NRXN3: variants seen among roughly 807,000 people sequenced by gnomAD.
NRXN3 encodes the protein neurexin 3.
NRXN3 carries 32 observed loss-of-function variants against 137.6 expected under a neutral mutation model. That is an observed-to-expected ratio of 0.23 (90% CI 0.18 to 0.31). The LOEUF (loss-of-function observed/expected upper bound fraction) is 0.31. Among genes scored for constraint, NRXN3 ranks in the 10% least tolerant of loss-of-function variants. The pLI, the probability that NRXN3 is intolerant of heterozygous loss-of-function variation, is 1.00. For synonymous variants in NRXN3, 798 were observed against 784.5 expected, an observed-to-expected ratio of 1.02 and a Z score of -0.29; for missense variants, 1,574 against 2,062.5, an observed-to-expected ratio of 0.76 and a Z score of 4.59.
chr14:79,443,628 T>A (rs931967539), intron 15 of NRXN3, among the ~76,000 whole-genome samples: 1 of 152,182 alleles, frequency 6.6e-6, no homozygotes, highest in Non-Finnish European at 1.5e-5. Context: ...AGGCTCACTT[T>A]CCAAAAGAAA....
chr14:79,643,884 GCCTT>G (rs1310295623), intron 16 of NRXN3, among the ~76,000 whole-genome samples: 20 of 135,084 alleles, frequency 1.5e-4, no homozygotes, highest in African/African-American at 4.9e-4. Flanking sequence ...CTCCATTATT[GCCTT>G]TACCACCTTC....
intron 4 of NRXN3, among the ~76,000 whole-genome samples, chr14:78,387,878 G>A (rs2090197767): frequency 6.6e-6 from 1 of 152,186 alleles, no homozygotes; most frequent in Non-Finnish European, 1.5e-5. Context: ...GGCATGTCAT[G>A]GATGTGCCAG....
At chr14:79,825,861 A>G (rs1232031259) in intron 20 of NRXN3, among the ~76,000 whole-genome samples, 1 of 152,208 alleles carries the variant, frequency 6.6e-6, no homozygotes. Context: ...CTTCTGATGT[A>G]AAAGTAACTG....
chr14:78,387,282 A>AT (rs1270740019), intron 4 of NRXN3, among the ~76,000 whole-genome samples: 5 of 152,132 alleles, frequency 3.3e-5, no homozygotes, highest in African/African-American at 1.2e-4. Context: ...AAAGTATTTG[A>AT]TTTTTTTGGG....
chr14:79,237,735 C>G (rs1344072892), intron 15 of NRXN3, among the ~76,000 whole-genome samples: 1 of 152,076 alleles, frequency 6.6e-6, no homozygotes, highest in Admixed American at 6.6e-5. Flanking sequence ...TTGCAAATAC[C>G]GTCAAATGCA....
At chr14:79,814,138 T>G (rs2099244383) in intron 20 of NRXN3, among the ~76,000 whole-genome samples, 1 of 152,230 alleles carries the variant, frequency 6.6e-6, no homozygotes. Context: ...TAGTTATAAT[T>G]TCATGGGTCC....
At chr14:79,073,297 C>T (rs1259998057) in intron 15 of NRXN3, among the ~76,000 whole-genome samples, 1 of 152,094 alleles carries the variant, frequency 6.6e-6, no homozygotes, top group Non-Finnish European at 1.5e-5. Context: ...AGTCAAAATT[C>T]TACAGATAGA....
rs902028376 is a variant in NRXN3 at position 79,014,091 on chromosome 14, G to A, written c.3262+25950G>A. Among the ~76,000 whole-genome samples, 4 of 152,182 alleles carry A rather than the reference G, an allele frequency of 2.6e-5. 1 individual carries two copies. The highest frequency in any genetic ancestry group is 2.0e-4 in the Admixed American group (3 of 15,270). On this transcript the variant is annotated intron_variant, in intron 15 of 20. Coordinates refer to ENST00000335750, the MANE Select transcript of NRXN3 (RefSeq NM_001330195.2). ...GTAAAAAACCTCTGTATGGCAAGGAGCAGTGGGACCTCTCTTTTTTTAAAC... is the reference window on the plus strand; with the variant it reads ...GTAAAAAACCTCTGTATGGCAAGGAACAGTGGGACCTCTCTTTTTTTAAAC...
intron 6 of NRXN3, among the ~76,000 whole-genome samples, chr14:78,701,615 A>G (rs894422912): frequency 2.6e-5 from 4 of 152,212 alleles, no homozygotes; most frequent in Non-Finnish European, 4.4e-5. Flanking sequence ...TCTCTTACAA[A>G]TAGGGCCATA....
intron 15 of NRXN3, among the ~76,000 whole-genome samples, chr14:79,039,072 G>A (rs61995308): frequency 5.9e-5 from 9 of 152,102 alleles, no homozygotes; most frequent in East Asian, 1.9e-4. Flanking sequence ...ATCTGTGAAC[G>A]TAACAGAGAG....
chr14:79,099,624 A>C (rs1238662225), intron 15 of NRXN3, among the ~76,000 whole-genome samples: 1 of 152,200 alleles, frequency 6.6e-6, no homozygotes, highest in Non-Finnish European at 1.5e-5. Context: ...AATTTATATG[A>C]AACTTTTTCA....
chr14:78,459,047 C>T (rs558865070), intron 4 of NRXN3, among the ~76,000 whole-genome samples: 2 of 152,290 alleles, frequency 1.3e-5, no homozygotes, highest in East Asian at 1.9e-4. Context: ...GTAATCTTTT[C>T]CTTCTTGTGT....
intron 4 of NRXN3, among the ~76,000 whole-genome samples, chr14:78,586,199 G>A (rs1016215361): frequency 6.6e-6 from 1 of 152,156 alleles, no homozygotes; most frequent in Non-Finnish European, 1.5e-5. Context: ...CCTGCCAAAG[G>A]CCAACAAAAT....
intron 4 of NRXN3, among the ~76,000 whole-genome samples, chr14:78,631,536 A>G (rs972452435): frequency 6.6e-6 from 1 of 152,258 alleles, no homozygotes; most frequent in Non-Finnish European, 1.5e-5. Context: ...CATGGATAGC[A>G]TAGGAAATGT....
chr14:79,643,075 C>T lies in NRXN3; in HGVS notation c.3445-20703C>T, dbSNP rs141297419. Among the ~76,000 whole-genome samples, 372 of 136,044 alleles carry T rather than the reference C, an allele frequency of 2.7e-3. 21 individuals are homozygous for T. Among genetic ancestry groups the T allele is most frequent in the African/African-American group, 8.5e-3 (347 of 40,924 alleles). 89.3% of individuals were successfully genotyped at this position (136,044 alleles called of 152,430 possible). A position where few individuals can be genotyped will look rare whatever the true frequency, so the allele number is the denominator to read the frequency against. On this transcript the variant is annotated intron_variant, in intron 16 of 20. Coordinates refer to ENST00000335750, the MANE Select transcript of NRXN3 (RefSeq NM_001330195.2). ...TGAAGCAGCTTGCTGCTCTGTTATT[C>T]GTGTGAACTCATATCCTTTCTCATT...
At chr14:78,287,995 T>A (rs928938308) in intron 3 of NRXN3, among the ~76,000 whole-genome samples, 3 of 152,106 alleles carry the variant, frequency 2.0e-5, no homozygotes, top group African/African-American at 7.2e-5. Context: ...CCTTTTTTTT[T>A]TTGAGATGGA....
At chr14:78,236,527 A>G (rs1489015462) in intron 1 of NRXN3, among the ~76,000 whole-genome samples, 3 of 152,238 alleles carry the variant, frequency 2.0e-5, no homozygotes, top group Non-Finnish European at 4.4e-5. Context: ...TAGTGTTGCC[A>G]TGAACATTCT....
chr14:78,710,566 G>C (rs976220308), intron 7 of NRXN3, among the ~76,000 whole-genome samples: 10 of 152,186 alleles, frequency 6.6e-5, no homozygotes, highest in Non-Finnish European at 1.3e-4. Flanking sequence ...TACTCAAGAA[G>C]GGTCTTGGCT....
chr14:78,968,113 A>G, intron 13 of NRXN3, 60 bp from the exon 14 acceptor site: 1 of 849,918 alleles, frequency 1.2e-6, no homozygotes. Context: ...GTATCAAACT[A>G]GTTGACATGG....
Sources: gnomAD v4.1 joint callset for allele counts (sites outside exome capture counted in the v4.1 genomes callset) on GRCh38, gnomAD v4.1.1 for gene constraint, MANE v1.5 for transcripts, NCBI Gene and HGNC (gene_info 2026-07-23, HGNC 2026-07-21) for gene names.